The following RBMS3 variants were observed in gnomAD, a reference collection of about 807,000 sequenced individuals.
The protein encoded by RBMS3 is RNA binding motif single stranded interacting protein 3.
RBMS3 carries 27 observed loss-of-function variants against 66.8 expected under a neutral mutation model. That is an observed-to-expected ratio of 0.40 (90% CI 0.30 to 0.56). The LOEUF (loss-of-function observed/expected upper bound fraction) is 0.56. RBMS3 is among the 20% of genes least tolerant of loss of function. The pLI, the probability that RBMS3 is intolerant of heterozygous loss-of-function variation, is 0.40. For missense variants in RBMS3, 513 were observed against 549.5 expected (o/e 0.93, Z 0.66); for synonymous variants, 188 against 183.0 (o/e 1.03, Z -0.22).
chr3:29,741,281 C>G (rs1014642100), intron 5 of RBMS3, among the ~76,000 whole-genome samples: 3 of 152,144 alleles, frequency 2.0e-5, no homozygotes, highest in Non-Finnish European at 2.9e-5. Context: ...GAAAATCTCC[C>G]TGACTTGAAT....
intron 4 of RBMS3, among the ~76,000 whole-genome samples, chr3:29,652,473 T>C (rs1576444071): frequency 6.6e-6 from 1 of 152,254 alleles, no homozygotes; most frequent in Non-Finnish European, 1.5e-5. Flanking sequence ...CATTTACCCA[T>C]TTAATATTTA....
At chr3:29,834,407 G>T (rs1057275649) in intron 6 of RBMS3, among the ~76,000 whole-genome samples, 3 of 151,908 alleles carry the variant, frequency 2.0e-5, no homozygotes, top group African/African-American at 7.2e-5. Flanking sequence ...GTTAATAGAT[G>T]AACAATATAA....
At chr3:29,376,037 G>T (rs373979978) in intron 1 of RBMS3, among the ~76,000 whole-genome samples, 3 of 152,108 alleles carry the variant, frequency 2.0e-5, no homozygotes, top group African/African-American at 7.2e-5. Context: ...CATGTCCTTT[G>T]CAGGGACATG....
intron 4 of RBMS3, among the ~76,000 whole-genome samples, chr3:29,608,498 G>T (rs1379365998): frequency 2.6e-5 from 4 of 151,978 alleles, no homozygotes; most frequent in Admixed American, 2.6e-4. Flanking sequence ...CACAGAAAAT[G>T]TTCCAAGCTA....
chr3:29,985,320 G>A (rs6792333), intron 12 of RBMS3, among the ~76,000 whole-genome samples: 21,556 of 152,000 alleles, frequency 0.14, 1,793 homozygotes, highest in Middle Eastern at 0.22. Flanking sequence ...GCTGGGCTCC[G>A]TAGAGGTGGC....
At chr3:29,634,729 G>T (rs915856082) in intron 4 of RBMS3, among the ~76,000 whole-genome samples, 7 of 151,488 alleles carry the variant, frequency 4.6e-5, no homozygotes, top group African/African-American at 1.7e-4. Context: ...CTTATCTCAG[G>T]GTCTGTTTCT....
At chr3:29,870,191 G>A (rs559154982) in intron 7 of RBMS3, among the ~76,000 whole-genome samples, 36 of 152,234 alleles carry the variant, frequency 2.4e-4, no homozygotes, top group African/African-American at 8.7e-4. Context: ...TAAAAAGGAG[G>A]TGGAGGGGGT....
At chr3:29,372,358 T>C (rs1559526756) in intron 1 of RBMS3, among the ~76,000 whole-genome samples, 1 of 151,996 alleles carries the variant, frequency 6.6e-6, no homozygotes, top group Non-Finnish European at 1.5e-5. Flanking sequence ...TACCAAAGCA[T>C]TGATTTTATT....
At chr3:29,754,082 C>G (rs955834300) in intron 5 of RBMS3, among the ~76,000 whole-genome samples, 6 of 151,912 alleles carry the variant, frequency 3.9e-5, no homozygotes, top group Non-Finnish European at 7.4e-5. Context: ...CTCAGCCTCC[C>G]GAGTAGCTGA....
chr3:29,655,800 A>G (rs78136247), intron 4 of RBMS3, among the ~76,000 whole-genome samples: 6,558 of 152,270 alleles, frequency 0.043, 398 homozygotes, highest in East Asian at 0.31. Flanking sequence ...TATTACAGAG[A>G]TGATAGCTCC....
intron 14 of RBMS3, among the ~76,000 whole-genome samples, chr3:29,999,596 A>G (rs1377050273): frequency 6.6e-6 from 1 of 152,214 alleles, no homozygotes; most frequent in Non-Finnish European, 1.5e-5. Context: ...TGATGAGTTC[A>G]TGTCCTTTGT....
At chr3:29,361,623 G>C (rs1454509121) in intron 1 of RBMS3, among the ~76,000 whole-genome samples, 2 of 152,132 alleles carry the variant, frequency 1.3e-5, no homozygotes, top group Non-Finnish European at 2.9e-5. Context: ...AGTTCTCCTG[G>C]ATAATATCTT....
intron 1 of RBMS3, among the ~76,000 whole-genome samples, chr3:29,344,358 C>G (rs2036450977): frequency 6.6e-6 from 1 of 152,148 alleles, no homozygotes; most frequent in Non-Finnish European, 1.5e-5. Flanking sequence ...CACACAATAG[C>G]AATGGCTTAC....
chr3:29,700,348 A>G (rs1328909539), intron 4 of RBMS3, among the ~76,000 whole-genome samples: 3 of 152,214 alleles, frequency 2.0e-5, no homozygotes, highest in East Asian at 1.9e-4. Flanking sequence ...TGCAGAATTA[A>G]CGCCAAACTG....
chr3:30,002,479 G>A (rs1452944983), intron 14 of RBMS3, among the ~76,000 whole-genome samples: 1 of 151,976 alleles, frequency 6.6e-6, no homozygotes, highest in East Asian at 1.9e-4. Context: ...AATGGAGTAA[G>A]TCTATAGTTT....
intron 1 of RBMS3, among the ~76,000 whole-genome samples, chr3:29,318,385 GT>G (rs1559483945): frequency 6.6e-6 from 1 of 151,832 alleles, no homozygotes; most frequent in Non-Finnish European, 1.5e-5. Context: ...CCTAACCTGG[GT>G]TCTGTGAGCA....
chr3:29,450,216 T>C (rs1234993735), intron 2 of RBMS3, among the ~76,000 whole-genome samples: 1 of 152,080 alleles, frequency 6.6e-6, no homozygotes, highest in Non-Finnish European at 1.5e-5. Flanking sequence ...AAGACATCCA[T>C]TGGGTCAGGG....
chr3:29,401,660 A>C (rs2039815667), intron 1 of RBMS3, among the ~76,000 whole-genome samples: 1 of 152,092 alleles, frequency 6.6e-6, no homozygotes. Flanking sequence ...ATATAGAATG[A>C]CATAGGTGGG....
chr3:29,782,341 G>A (rs536608772), intron 6 of RBMS3, among the ~76,000 whole-genome samples: 2 of 152,294 alleles, frequency 1.3e-5, no homozygotes, highest in South Asian at 4.1e-4. Context: ...ACCTGAAGAT[G>A]GATCATATCA....
Sources: allele counts gnomAD v4.1 joint callset (sites outside exome capture counted in the v4.1 genomes callset), GRCh38; gene constraint gnomAD v4.1.1; transcripts MANE v1.5; gene names NCBI Gene and HGNC (gene_info 2026-07-23, HGNC 2026-07-21).